Variants in RELN observed in about 807,000 individuals in gnomAD.
RELN encodes reelin.
RELN carries 108 observed loss-of-function variants against 427.6 expected under a neutral mutation model. That is an observed-to-expected ratio of 0.25 (90% confidence interval 0.22 to 0.30). The LOEUF (loss-of-function observed/expected upper bound fraction) is 0.30. Among genes scored for constraint, RELN ranks in the 10% least tolerant of loss-of-function variants. The probability of loss-of-function intolerance (pLI) is 1.00; values close to 1 mark genes in which losing one functional copy is unlikely to be tolerated. For synonymous variants in RELN, 1,524 were observed against 1,513.4 expected (o/e 1.01, Z -0.16); for missense variants, 3,715 against 4,302.8 (o/e 0.86, Z 3.82).
chr7:103,723,191 T>A lies in RELN; in HGVS notation c.754A>T (p.Ile252Phe), dbSNP rs779164632. ...GTTGTTGTATTAAGGCCTGTGGTAA[T>A]CTAAAGAAAAAAGAATACATAAAAA... ...FCEPYGPRELITTGLNTTTAS... is the reference protein window; with the variant it reads ...FCEPYGPRELFTTGLNTTTAS... Residue 252 changes from isoleucine (I) to phenylalanine (F), a missense_variant and splice_region_variant, in exon 8 of 65, where the codon ATT becomes TTT. By Grantham distance (21) the Ile-to-Phe change is conservative (BLOSUM62 0). This residue lies in a region of RELN where 2,208 missense variants were observed against 2,361.7 expected (regional missense o/e 0.93). Coordinates refer to ENST00000428762, the MANE Select transcript of RELN (RefSeq NM_005045.4). The A allele has an allele frequency of 1.9e-6, 3 of 1,573,468 alleles. No individual in the cohort carries two copies. Among genetic ancestry groups the A allele is most frequent in the Non-Finnish European group, 2.6e-6 (3 of 1,143,920 alleles).
intron 6 of RELN, among the ~76,000 whole-genome samples, chr7:103,729,384 C>T (rs1790296037): frequency 6.6e-6 from 1 of 152,174 alleles, no homozygotes; most frequent in South Asian, 2.1e-4. Flanking sequence ...GGCAGAAACA[C>T]TGCACGTCAA....
chr7:103,909,533 G>C (rs946261149), intron 2 of RELN, among the ~76,000 whole-genome samples: 3 of 146,066 alleles, frequency 2.1e-5, no homozygotes, highest in Admixed American at 7.2e-5. Flanking sequence ...CTTGAACCTG[G>C]GAGGTGGATG....
intron 2 of RELN, among the ~76,000 whole-genome samples, chr7:103,909,826 T>A (rs1249933740): frequency 2.1e-5 from 1 of 47,502 alleles, no homozygotes; most frequent in African/African-American, 6.1e-5. Context: ...ATATATAAAA[T>A]ATATATATTT....
chr7:103,629,259 G>A (rs746275307), intron 20 of RELN, among the ~76,000 whole-genome samples: 1 of 152,118 alleles, frequency 6.6e-6, no homozygotes, highest in Non-Finnish European at 1.5e-5. Context: ...TGTACATGAA[G>A]TACTAATCAC....
chr7:103,823,876 C>A (rs948111737), intron 3 of RELN, among the ~76,000 whole-genome samples: 1 of 114,832 alleles, frequency 8.7e-6, no homozygotes, highest in Non-Finnish European at 1.8e-5. Flanking sequence ...AAATACCAAA[C>A]TGCATTTTTA....
intron 28 of RELN, among the ~76,000 whole-genome samples, chr7:103,580,277 A>T (rs1480140221): frequency 6.6e-6 from 1 of 152,248 alleles, no homozygotes; most frequent in Admixed American, 6.5e-5. Flanking sequence ...ACAACAGCTC[A>T]TTTACTTGGG....
chr7:103,649,109 C>T (rs955241808), intron 16 of RELN, among the ~76,000 whole-genome samples: 4 of 151,910 alleles, frequency 2.6e-5, no homozygotes, highest in Admixed American at 1.3e-4. Flanking sequence ...AAAAAGAAAC[C>T]AGTATATTAA....
chr7:103,773,191 C>CT (rs1791631590), intron 4 of RELN, among the ~76,000 whole-genome samples: 1 of 117,860 alleles, frequency 8.5e-6, no homozygotes. Context: ...TCTTTCTTTT[C>CT]TTTCTTTCTC....
chr7:103,473,395 C>T (rs1296336063), intron 64 of RELN, among the ~76,000 whole-genome samples: 1 of 152,162 alleles, frequency 6.6e-6, no homozygotes, highest in African/African-American at 2.4e-5. Context: ...GCTGGATCAG[C>T]TTGACATTCC....
rs756349597 is a variant in RELN, at chr7:103,551,115, T to C, written c.6254A>G (p.Gln2085Arg). 3 of 1,613,948 alleles carry C rather than the reference T, an allele frequency of 1.9e-6. No homozygotes were observed. In the East Asian group the frequency reaches 6.7e-5, roughly 36 times the overall value. ...GTGCACGACCTCCCTCCTCCAGCCC[T>C]GCATGGTTCCTGCGTAGTAGGTGCT... is the stretch of plus-strand genomic sequence containing the variant. ...PSSTYYAGTM[Q>R]GWRREVVHFG... Residue 2085 changes from glutamine (Q) to arginine (R), a missense_variant, in exon 41 of 65, where the codon CAG becomes CGG. Physicochemically the swap from Gln to Arg is conservative, Grantham distance 43 (BLOSUM62 1). Coordinates refer to ENST00000428762, the MANE Select transcript of RELN (RefSeq NM_005045.4).
intron 1 of RELN, among the ~76,000 whole-genome samples, chr7:103,978,187 C>A (rs1163453011): frequency 6.6e-6 from 1 of 152,128 alleles, no homozygotes. Flanking sequence ...TTCTTCCTAA[C>A]CGAAATTTTC....
chr7:103,974,377 G>GACTTAAA (rs1796828374), intron 1 of RELN, among the ~76,000 whole-genome samples: 1 of 152,184 alleles, frequency 6.6e-6, no homozygotes, highest in Non-Finnish European at 1.5e-5. Flanking sequence ...TCCATTTCCT[G>GACTTAAA]AGCCTGTGGG....
intron 1 of RELN, among the ~76,000 whole-genome samples, chr7:103,967,157 G>A (rs999164840): frequency 1.3e-5 from 2 of 152,116 alleles, no homozygotes; most frequent in Non-Finnish European, 2.9e-5. Flanking sequence ...AGAAAACTAA[G>A]GGCTAGTGGT....
chr7:103,538,771 C>T (rs147582436), intron 45 of RELN, among the ~76,000 whole-genome samples: 24 of 152,100 alleles, frequency 1.6e-4, no homozygotes, highest in African/African-American at 4.1e-4. Context: ...CTTTATTCTG[C>T]GAGTCTAATA....
At chr7:103,845,102 C>T (rs778695707) in intron 2 of RELN, among the ~76,000 whole-genome samples, 1 of 152,032 alleles carries the variant, frequency 6.6e-6, no homozygotes, top group African/African-American at 2.4e-5. Flanking sequence ...GTGATTGCTG[C>T]CATATAGAAA....
At chr7:103,796,958 T>C (rs1792319829) in intron 3 of RELN, among the ~76,000 whole-genome samples, 1 of 151,556 alleles carries the variant, frequency 6.6e-6, no homozygotes, top group South Asian at 2.1e-4. Context: ...CATCCTTATA[T>C]ACTTCTGTGG....
intron 2 of RELN, among the ~76,000 whole-genome samples, chr7:103,889,754 T>C (rs770677326): frequency 4.6e-5 from 7 of 152,172 alleles, no homozygotes; most frequent in Non-Finnish European, 1.0e-4. Context: ...TCTACAGTTA[T>C]CTACAAAGAC....
At chr7:103,578,841 T>G (rs1584313266) in intron 28 of RELN, among the ~76,000 whole-genome samples, 1 of 152,246 alleles carries the variant, frequency 6.6e-6, no homozygotes, top group Non-Finnish European at 1.5e-5. Context: ...AATGTATTTG[T>G]GCACATGTTC....
chr7:103,616,181 C>T (rs1832074754), intron 20 of RELN, among the ~76,000 whole-genome samples: 2 of 152,096 alleles, frequency 1.3e-5, no homozygotes, highest in Admixed American at 6.6e-5. Flanking sequence ...ATCTAAGCAA[C>T]ATTCTATTAT....
Sources: allele counts gnomAD v4.1 joint callset (sites outside exome capture counted in the v4.1 genomes callset), GRCh38; gene constraint gnomAD v4.1.1; regional missense constraint gnomAD v4.1.1; transcripts MANE v1.5; gene names NCBI Gene and HGNC (gene_info 2026-07-23, HGNC 2026-07-21).